Variants in MXRA8 observed in about 807,000 individuals in gnomAD.
MXRA8 encodes the protein matrix remodeling associated 8.
A neutral mutation model predicts 51.4 loss-of-function variants in MXRA8; 44 were observed. That is an observed-to-expected ratio of 0.86 (90% confidence interval 0.67 to 1.10). The LOEUF is 1.10. Among genes scored for constraint, MXRA8 ranks in the 50% least tolerant of loss-of-function variants. MXRA8 has a pLI of 0.00. For missense variants in MXRA8, 765 were observed against 638.9 expected, an observed-to-expected ratio of 1.20 and a Z score of -2.13; for synonymous variants, 369 against 293.5, an observed-to-expected ratio of 1.26 and a Z score of -2.63.
Position 1,354,115 on chromosome 1 carries a change from C to T in MXRA8, c.1146-9G>A, listed in dbSNP as rs201605810. 1.7e-5 allele frequency: 28 copies of T among 1,612,756 alleles called. No homozygotes were observed. The highest frequency in any genetic ancestry group is 1.7e-4 in the Middle Eastern group (1 of 6,060). On this transcript the variant is annotated splice_polypyrimidine_tract_variant and intron_variant, in intron 7 of 9. Coordinates refer to ENST00000309212, the MANE Select transcript of MXRA8 (RefSeq NM_032348.4). The stretch of plus-strand genomic sequence containing the variant: ...CCAAGTTAACATCCTTCCTGGATGG[C>T]GAGGGTGGGAGGAGGTTACAGCTGG...
At chr1:1,355,386 C>A (rs1644103533) in intron 3 of MXRA8, 41 bp from the exon 4 acceptor site, 3 of 1,534,824 alleles carry the variant, frequency 2.0e-6, no homozygotes, top group Non-Finnish European at 2.6e-6. Flanking sequence ...CCTTGCGGTG[C>A]CCCCGACCCC....
At chr1:1,353,658 C>G in intron 9 of MXRA8, 29 bp from the exon 10 acceptor site, 1 of 1,554,574 alleles carries the variant, frequency 6.4e-7, no homozygotes, top group Non-Finnish European at 8.7e-7. Flanking sequence ...AACGGGTTGG[C>G]GGCTGTCCTC....
In MXRA8 at chr1:1,354,174, C is replaced by T. The variant is rs751956096; in HGVS notation, c.1145+19G>A. On this transcript the variant is annotated intron_variant, in intron 7 of 9. Transcript: ENST00000309212. Reference sequence around the variant, plus strand: ...AAGGGGGCCCTGGTCCCCAGGAGGGCCGGGAGGGGGGCACTCACCCCTTTG... The same window carrying T: ...AAGGGGGCCCTGGTCCCCAGGAGGGTCGGGAGGGGGGCACTCACCCCTTTG... The T allele has an allele frequency of 3.1e-6, 5 of 1,612,750 alleles. No homozygotes were observed. Among genetic ancestry groups the T allele is most frequent in the Non-Finnish European group, 4.2e-6 (5 of 1,179,976 alleles).
chr1:1,361,442 G>T (rs536564214), upstream of MXRA8: 1 of 627,332 alleles, frequency 1.6e-6, no homozygotes, highest in Admixed American at 2.5e-5. Context: ...AGGGGTCGGG[G>T]GGCGCCCAGG....
chr1:1,358,075 C>T (rs1644166717), intron 1 of MXRA8, among the ~76,000 whole-genome samples: 1 of 152,206 alleles, frequency 6.6e-6, no homozygotes, highest in South Asian at 2.1e-4. Flanking sequence ...GGTCAGCAGC[C>T]AGCCCAGGCC....
rs1162592056 is a variant in MXRA8, at chr1:1,353,513, G to A, written c.*91C>T. On this transcript the variant is annotated 3_prime_UTR_variant, in exon 10 of 10. Transcript: ENST00000309212. ...AGGAAAGCGGGACCAGCCGCTGGAA[G>A]GGGGGTGAGCCCCGGAGCATCAGGA... 3 of 1,512,622 alleles carry A rather than the reference G, an allele frequency of 2.0e-6. No individual in the cohort carries two copies. Among genetic ancestry groups the A allele is most frequent in the Middle Eastern group, 4.1e-4 (2 of 4,876 alleles). 93.7% of individuals were successfully genotyped at this position (1,512,622 alleles called of 1,614,324 possible).
upstream of MXRA8, among the ~76,000 whole-genome samples, chr1:1,360,582 A>G (rs543684415): frequency 5.1e-4 from 77 of 152,260 alleles, 1 homozygote; most frequent in Admixed American, 1.8e-3. Flanking sequence ...GAAGAGGACA[A>G]ACCAGGACAA....
In MXRA8 at chr1:1,354,460, C is replaced by T. The variant is rs774147024; in HGVS notation, c.999G>A (p.Glu333=). 22 of 1,612,344 alleles carry T rather than the reference C, an allele frequency of 1.4e-5. No homozygotes were observed. The Admixed American group carries it at 1.8e-4, about 13-fold the overall frequency. ...GHNVINVIVP[E]SRAHFFQQLG... is the part of the protein sequence containing the mutation. ...GCTGCTGGAAGAAGTGGGCTCGGCTCTCGGGGACGATGACATTGATGACGT... is the reference window on the plus strand; with the variant it reads ...GCTGCTGGAAGAAGTGGGCTCGGCTTTCGGGGACGATGACATTGATGACGT... Residue 333 remains glutamate, a synonymous_variant, in exon 6 of 10, where the codon GAG becomes GAA. Transcript: ENST00000309212.
intron 2 of MXRA8, 78 bp downstream of exon 2, chr1:1,356,603 C>A: frequency 5.5e-6 from 6 of 1,091,166 alleles, no homozygotes; most frequent in Non-Finnish European, 6.0e-6. Context: ...GGCCTGAGGA[C>A]CCCCGGGGGC....
upstream of MXRA8, chr1:1,358,864 C>G (rs1374900024): frequency 1.9e-6 from 2 of 1,044,276 alleles, no homozygotes; most frequent in African/African-American, 3.4e-5. Flanking sequence ...AGGGTTGGGA[C>G]TGTTGGGTGA....
At chr1:1,361,473 G>A (rs747509425), upstream of MXRA8, 9 of 590,466 alleles carry the variant, frequency 1.5e-5, no homozygotes, top group South Asian at 3.9e-5. Context: ...GAGGACGGAC[G>A]GACCCAAGGA....
At chr1:1,361,454 T>G, upstream of MXRA8, 1 of 618,764 alleles carries the variant, frequency 1.6e-6, no homozygotes, top group Non-Finnish European at 2.9e-6. Flanking sequence ...GCGCCCAGGC[T>G]GGAGGGGCGA....
At position 1,355,157 on chromosome 1, in the gene MXRA8, G is replaced by A. The variant is rs1309056587; in HGVS notation, c.479-5C>T. On this transcript the variant is annotated splice_polypyrimidine_tract_variant and splice_region_variant and intron_variant, in intron 4 of 9. Transcript: ENST00000309212. ...AGTAGGCGGGGGTGGCCGGGGCTGC[G>A]GAGGGGGCGCGGTCAGCGGCGCGCG... 9 of 1,398,170 alleles carry A rather than the reference G, an allele frequency of 6.4e-6. No individual in the cohort carries two copies. The Middle Eastern group carries it at 1.2e-3, about 192-fold the overall frequency. The allele number at this position is 1,398,170 out of a possible 1,614,324, so 86.6% of individuals were successfully genotyped here.
In MXRA8 at chr1:1,354,870, T is replaced by C; in HGVS notation, c.761A>G (p.Asp254Gly). 1 of 1,611,688 alleles carries C rather than the reference T, an allele frequency of 6.2e-7. No homozygotes were observed. Among genetic ancestry groups the C allele is most frequent in the Non-Finnish European group, 8.5e-7 (1 of 1,179,520 alleles). The change falls in exon 5 of 10, where the codon GAC (aspartate) becomes GGC (glycine). Residue 254 changes from aspartate to glycine, a missense_variant. By Grantham distance (94) the Asp-to-Gly change is moderately conservative (BLOSUM62 -1). Coordinates refer to ENST00000309212, the MANE Select transcript of MXRA8 (RefSeq NM_032348.4). ...AVGADAFERG[D>G]FSLRIEPLEV... ...CAGCGGCTCGATACGCAGTGAGAAG[T>C]CACCGCGCTCAAAGGCATCCGCGCC...
intron 2 of MXRA8, among the ~76,000 whole-genome samples, chr1:1,356,427 TG>T (rs1391674981): frequency 7.8e-5 from 1 of 12,760 alleles, no homozygotes; most frequent in African/African-American, 3.4e-4. Flanking sequence ...GGGGGAGGGG[TG>T]GGCCCCCGAG....
At chr1:1,357,933 G>A (rs1200311108) in intron 1 of MXRA8, among the ~76,000 whole-genome samples, 2 of 152,088 alleles carry the variant, frequency 1.3e-5, no homozygotes, top group Non-Finnish European at 2.9e-5. Flanking sequence ...CCCAGGGCCC[G>A]TGGGTGATAA....
At chr1:1,359,299 G>A, upstream of MXRA8, 1 of 985,398 alleles carries the variant, frequency 1.0e-6, no homozygotes, top group Non-Finnish European at 1.2e-6. Context: ...TGGATTACAA[G>A]CCTCCTGGAG....
chr1:1,353,338 G>A lies in MXRA8; in HGVS notation c.*266C>T, dbSNP rs1446143152. On this transcript the variant is annotated 3_prime_UTR_variant, in exon 10 of 10. Transcript: ENST00000309212. Reference sequence around the variant, plus strand: ...CGGGCAGAGCCCAGAAGGGTCTGAGGGCATGATGGGCATCAGTGGGATTTT... The same window carrying A: ...CGGGCAGAGCCCAGAAGGGTCTGAGAGCATGATGGGCATCAGTGGGATTTT... 9 of 1,548,886 alleles carry A rather than the reference G, an allele frequency of 5.8e-6. No individual in the cohort carries two copies. Among genetic ancestry groups the A allele is most frequent in the African/African-American group, 2.7e-5 (2 of 73,008 alleles).
rs779084355 is a variant in MXRA8 at position 1,353,642 on chromosome 1, G to A, written c.1304-13C>T. The A allele has an allele frequency of 3.8e-6, 6 of 1,563,732 alleles. No homozygotes were observed. Among genetic ancestry groups the A allele is most frequent in the African/African-American group, 1.3e-5 (1 of 74,290 alleles). On this transcript the variant is annotated splice_polypyrimidine_tract_variant and intron_variant, in intron 9 of 9. Coordinates refer to ENST00000309212, the MANE Select transcript of MXRA8 (RefSeq NM_032348.4). ...TCCTTCCGGAACCCTGGAAGCCAAG[G>A]GCGCCAACGGGTTGGCGGCTGTCCT...
Sources: gnomAD v4.1 joint callset for allele counts (sites outside exome capture counted in the v4.1 genomes callset) on GRCh38, gnomAD v4.1.1 for gene constraint, MANE v1.5 for transcripts, NCBI Gene and HGNC (gene_info 2026-07-23, HGNC 2026-07-21) for gene names.